Variants in SGCG observed in about 807,000 individuals in gnomAD.
SGCG encodes the protein sarcoglycan gamma, also known as gamma-sarcoglycan.
In SGCG, 26 loss-of-function variants were observed where a neutral mutation model predicts 29.3. The observed-to-expected ratio is 0.89, with a 90% CI of 0.65 to 1.23. SGCG has a LOEUF of 1.23. Ranked by LOEUF, SGCG falls within the 50% of genes most tolerant of loss-of-function variation. The pLI is 0.00. For synonymous variants in SGCG, 145 were observed against 129.7 expected, an observed-to-expected ratio of 1.12 and a Z score of -0.80; for missense variants, 353 against 356.0, an observed-to-expected ratio of 0.99 and a Z score of 0.07.
At chr13:23,309,088 G>GTGTT (rs1041284136) in intron 6 of SGCG, among the ~76,000 whole-genome samples, 2 of 151,672 alleles carry the variant, frequency 1.3e-5, no homozygotes, top group African/African-American at 4.8e-5. Context: ...CATTACCAGG[G>GTGTT]TGTTTATAGT....
intron 2 of SGCG, among the ~76,000 whole-genome samples, chr13:23,226,461 T>C (rs1335696128): frequency 2.0e-5 from 3 of 151,560 alleles, no homozygotes; most frequent in Non-Finnish European, 2.9e-5. Context: ...ACATCTTAAA[T>C]TAAATAAATG....
At chr13:23,264,747 G>C (rs1312888043) in intron 4 of SGCG, among the ~76,000 whole-genome samples, 2 of 152,140 alleles carry the variant, frequency 1.3e-5, no homozygotes, top group African/African-American at 4.8e-5. Flanking sequence ...CAATGGATCA[G>C]AATAGAGAAC....
At position 23,203,705 on chromosome 13, in the gene SGCG, A is replaced by G; in HGVS notation, c.11A>G (p.Glu4Gly). 6.2e-7 allele frequency: 1 copy of G among 1,612,724 alleles called. No homozygotes were observed. The highest frequency in any genetic ancestry group is 8.5e-7 in the Non-Finnish European group (1 of 1,179,104). Residue 4 changes from glutamate to glycine, a missense_variant, in exon 2 of 8, where the codon GAG (glutamate) becomes GGG (glycine). Physicochemically the swap from Glu to Gly is moderately conservative, Grantham distance 98 (BLOSUM62 -2). Coordinates refer to ENST00000218867, the MANE Select transcript of SGCG (RefSeq NM_000231.3). MVR[E>G]QYTTATEGIC... ...CACACTCCGTGGCAGATGGTGCGTG[A>G]GCAGTACACTACAGCCACAGAAGGC...
At chr13:23,169,326 G>A in the SGCG span, among the ~76,000 whole-genome samples, 1 of 150,984 alleles carries the variant, frequency 6.6e-6, no homozygotes, top group Non-Finnish European at 1.5e-5. Context: ...TCTACTTCTG[G>A]TTGCATTCTC....
intron 2 of SGCG, among the ~76,000 whole-genome samples, chr13:23,211,355 C>A (rs1244779277): frequency 6.6e-6 from 1 of 152,126 alleles, no homozygotes; most frequent in Admixed American, 6.5e-5. Flanking sequence ...CAGAGTGTTT[C>A]TCTCAGGAAA....
intron 1 of SGCG, among the ~76,000 whole-genome samples, chr13:23,184,582 C>T (rs1356957601): frequency 6.6e-6 from 1 of 152,190 alleles, no homozygotes; most frequent in African/African-American, 2.4e-5. Flanking sequence ...CATGTCTATA[C>T]AGGATAAATG....
At chr13:23,198,252 T>C (rs1877592141) in intron 1 of SGCG, among the ~76,000 whole-genome samples, 1 of 152,084 alleles carries the variant, frequency 6.6e-6, no homozygotes, top group African/African-American at 2.4e-5. Flanking sequence ...TCTCAGACTC[T>C]TGATAATGGC....
intron 1 of SGCG, among the ~76,000 whole-genome samples, chr13:23,200,738 T>C (rs1307831793): frequency 6.6e-6 from 1 of 152,042 alleles, no homozygotes; most frequent in African/African-American, 2.4e-5. Flanking sequence ...GAAATAGGAA[T>C]GATCAGGAAG....
chr13:23,279,668 A>T (rs757022970), intron 5 of SGCG, among the ~76,000 whole-genome samples, 190 bp downstream of exon 5: 4 of 143,374 alleles, frequency 2.8e-5, no homozygotes, highest in Non-Finnish European at 4.7e-5. Flanking sequence ...CTCCCCACAG[A>T]TCTTGGCCCA....
intron 2 of SGCG, among the ~76,000 whole-genome samples, chr13:23,230,216 A>G (rs183035315): frequency 1.6e-4 from 24 of 152,302 alleles, no homozygotes; most frequent in Non-Finnish European, 3.1e-4. Flanking sequence ...GGGCAATGTG[A>G]TAACTCCAGC....
chr13:23,320,895 T>A, intron 7 of SGCG, 135 bp downstream of exon 7: 1 of 938,366 alleles, frequency 1.1e-6, no homozygotes, highest in Non-Finnish European at 1.7e-6. Context: ...GTAGCAAATG[T>A]ACAAGGAAAG....
chr13:23,302,900 T>G (rs1388292706), intron 6 of SGCG, among the ~76,000 whole-genome samples: 2 of 152,168 alleles, frequency 1.3e-5, no homozygotes, highest in Admixed American at 6.6e-5. Flanking sequence ...ATCAAAAAGT[T>G]TTATTTTTTA....
Position 23,324,481 on chromosome 13 carries a change from G to A in SGCG, c.816G>A (p.Leu272=). 1.2e-6 allele frequency: 2 copies of A among 1,613,776 alleles called. No individual in the cohort carries two copies. The highest frequency in any genetic ancestry group is 1.7e-5 in the Admixed American group (1 of 60,022). ...YEICVCPDGK[L]YLSVAGVSTT... ...TCTGTGTGTGTCCAGATGGGAAGCT[G>A]TACCTGTCTGTGGCCGGTGTGAGCA... Residue 272 remains leucine (L), a synonymous_variant, in exon 8 of 8, where the codon CTG becomes CTA. Transcript: ENST00000218867.
chr13:23,320,597 C>CTTTTTTTTTTTTT, intron 6 of SGCG, 40 bp from the exon 7 acceptor site: 7 of 1,321,598 alleles, frequency 5.3e-6, no homozygotes, highest in African/African-American at 1.6e-5. Context: ...ATTTTTAATA[C>CTTTTTTTTTTTTT]TTTTTTTTTT....
chr13:23,272,561 T>C (rs557747015), intron 4 of SGCG, among the ~76,000 whole-genome samples: 49 of 152,348 alleles, frequency 3.2e-4, no homozygotes, highest in African/African-American at 1.1e-3. Flanking sequence ...TACTTCTATT[T>C]AGAATTTTTT....
chr13:23,296,615 A>C (rs1245361281), intron 6 of SGCG, among the ~76,000 whole-genome samples: 3 of 151,724 alleles, frequency 2.0e-5, no homozygotes, highest in Non-Finnish European at 4.4e-5. Context: ...GGCACTCACC[A>C]TTCTACTTTC....
At chr13:23,181,590 T>G (rs1045905198) in intron 1 of SGCG, among the ~76,000 whole-genome samples, 3 of 152,184 alleles carry the variant, frequency 2.0e-5, no homozygotes, top group Non-Finnish European at 2.9e-5. Context: ...GCAACCTGAC[T>G]CCTTCACTAT....
At chr13:23,321,364 G>T (rs953372575) in intron 7 of SGCG, among the ~76,000 whole-genome samples, 1 of 152,216 alleles carries the variant, frequency 6.6e-6, no homozygotes, top group Non-Finnish European at 1.5e-5. Context: ...TACACTATCT[G>T]TTTTCCTGTG....
At chr13:23,322,768 A>ACCCCC (rs1238626476) in intron 7 of SGCG, among the ~76,000 whole-genome samples, 3 of 33,422 alleles carry the variant, frequency 9.0e-5, no homozygotes, top group Admixed American at 3.2e-4. Flanking sequence ...CCACCCATCC[A>ACCCCC]CCTCCCCCCC....
Sources: allele counts gnomAD v4.1 joint callset (sites outside exome capture counted in the v4.1 genomes callset), GRCh38; gene constraint gnomAD v4.1.1; transcripts MANE v1.5; gene names NCBI Gene and HGNC (gene_info 2026-07-23, HGNC 2026-07-21).